C2: variants seen among roughly 807,000 people sequenced by gnomAD.
C2 encodes the protein complement C2.
In C2, 64 loss-of-function variants were observed where a neutral mutation model predicts 85.2. That is an observed-to-expected ratio of 0.75 (90% confidence interval 0.61 to 0.92). C2 has a LOEUF of 0.92. C2 is among the 40% of genes least tolerant of loss of function. C2 has a pLI of 0.00. For missense variants in C2, 820 were observed against 971.6 expected (o/e 0.84, Z 2.07); for synonymous variants, 311 against 370.8 (o/e 0.84, Z 1.85).
intron 6 of C2, 67 bp downstream of exon 6, chr6:31,934,366 C>G (rs989444608): frequency 1.2e-6 from 2 of 1,606,962 alleles, no homozygotes; most frequent in Non-Finnish European, 1.7e-6. Flanking sequence ...CTGTCTCCTT[C>G]CCCTCCTCAG....
upstream of C2, chr6:31,900,805 TGG>T: frequency 1.3e-6 from 1 of 777,256 alleles, no homozygotes; most frequent in Non-Finnish European, 1.9e-6. The surrounding 1 kb of genome is among the most constrained non-coding windows in gnomAD (Gnocchi z 9.7). Context: ...GAGGTGGGGG[TGG>T]GGGCTTCGGG....
At position 31,944,139 on chromosome 6, in the gene C2, T is replaced by G; in HGVS notation, c.1815T>G (p.Asn605Lys). Residue 605 changes from asparagine (N) to lysine (K), a missense_variant, in exon 15 of 18, where the codon AAT becomes AAG. Coordinates refer to ENST00000299367, the MANE Select transcript of C2 (RefSeq NM_000063.6). The surrounding 1 kb of genome is among the most constrained non-coding windows in gnomAD (Gnocchi z 5.1). ...ATCCCCTTCTCTTGACTATAGAGAATGAACTGCTGAACAAACAGAGTGTTC... is the reference window on the plus strand; with the variant it reads ...ATCCCCTTCTCTTGACTATAGAGAAGGAACTGCTGAACAAACAGAGTGTTC... ...PQGSTCRDHE[N>K]ELLNKQSVPA... 6.2e-7 allele frequency: 1 copy of G among 1,611,376 alleles called. No homozygotes were observed. Among genetic ancestry groups the G allele is most frequent in the Non-Finnish European group, 8.5e-7 (1 of 1,178,480 alleles).
rs970230298 is a variant in C2, at chr6:31,904,308, T to TTTAA, written c.73+3184_73+3187dup. ...AATTTTCAAAAGAATTTTATTTTAT[T>TTTAA]TTAATTAATTAATTAATTTATTTAG... On this transcript the variant is annotated intron_variant, in intron 1 of 3. Transcript: ENST00000452202. This position sits in a 1 kb window ranked among gnomAD's most constrained non-coding sequence, Gnocchi z 4.4. Among the ~76,000 whole-genome samples, 80 of 152,082 alleles carry TTTAA rather than the reference T, an allele frequency of 5.3e-4. No homozygotes were observed. The highest frequency in any genetic ancestry group is 1.8e-3 in the African/African-American group (74 of 41,464).
upstream of C2, among the ~76,000 whole-genome samples, chr6:31,927,227 C>G (rs1769325601): frequency 1.3e-5 from 2 of 152,212 alleles, no homozygotes; most frequent in Admixed American, 1.3e-4. This position sits in a 1 kb window ranked among gnomAD's most constrained non-coding sequence, Gnocchi z 4.7. Flanking sequence ...AGTTTATCTT[C>G]AAGAAGACAG....
At chr6:31,912,634 G>A (rs1226913632) in intron 1 of C2, among the ~76,000 whole-genome samples, 2 of 152,044 alleles carry the variant, frequency 1.3e-5, no homozygotes, top group African/African-American at 4.8e-5. Flanking sequence ...GAGGTCAGGA[G>A]TTCGAGACCA....
Position 31,943,423 on chromosome 6 carries a change from G to A in C2, c.1463G>A (p.Ser488Asn). 1 of 1,613,052 alleles carries A rather than the reference G, an allele frequency of 6.2e-7. No individual in the cohort carries two copies. Among genetic ancestry groups the A allele is most frequent in the Non-Finnish European group, 8.5e-7 (1 of 1,179,994 alleles). The change falls in exon 12 of 18, where the codon AGC becomes AAC. Residue 488 changes from serine (S) to asparagine (N), a missense_variant. By Grantham distance (46) the Ser-to-Asn change is conservative. Transcript: ENST00000299367. The surrounding 1 kb of genome is among the most constrained non-coding windows in gnomAD (Gnocchi z 6.4). The stretch of plus-strand genomic sequence containing the variant: ...TCACCTGTTCCCCTGCAGCCCAAGA[G>A]CCAAGAGACCTGCCGGGGGGCCCTC... The part of the protein sequence containing the change: ...TPWHVTIKPK[S>N]QETCRGALIS...
At chr6:31,919,910 C>T (rs1768848132), upstream of C2, 1 of 152,172 alleles carries the variant, frequency 6.6e-6, no homozygotes, top group African/African-American at 2.4e-5. Context: ...TATCCTGGTA[C>T]CTTTTATACC....
At chr6:31,940,060 G>C (rs2293751) in intron 9 of C2, among the ~76,000 whole-genome samples, 3 of 152,094 alleles carry the variant, frequency 2.0e-5, no homozygotes, top group East Asian at 1.9e-4. Flanking sequence ...ACAGATAGGC[G>C]TGAGCCACTG....
In C2 at chr6:31,935,825, C is replaced by T; in HGVS notation, c.850-98C>T. ...GTCCTTGCCTCTGTCGGTCTCACTCCAGTTTCTCTGCCTCCTCCAGGGCCC... is the reference window on the plus strand; with the variant it reads ...GTCCTTGCCTCTGTCGGTCTCACTCTAGTTTCTCTGCCTCCTCCAGGGCCC... On this transcript the variant is annotated intron_variant, in intron 6 of 17. Coordinates refer to ENST00000299367, the MANE Select transcript of C2 (RefSeq NM_000063.6). The surrounding 1 kb of genome is among the most constrained non-coding windows in gnomAD (Gnocchi z 4.3). The T allele has an allele frequency of 7.4e-7, 1 of 1,351,662 alleles. No individual in the cohort carries two copies. Among genetic ancestry groups the T allele is most frequent in the South Asian group, 1.2e-5 (1 of 85,324 alleles). 83.7% of individuals were successfully genotyped at this position (1,351,662 alleles called of 1,614,324 possible).
At chr6:31,937,487 T>C in intron 8 of C2, 28 bp downstream of exon 8, 1 of 1,612,276 alleles carries the variant, frequency 6.2e-7, no homozygotes, top group Non-Finnish European at 8.5e-7. Flanking sequence ...TGAGTGTGTC[T>C]GGAATAGTGG....
upstream of C2, chr6:31,900,629 G>A (rs1438783478): frequency 1.2e-6 from 2 of 1,612,760 alleles, no homozygotes; most frequent in Admixed American, 1.7e-5. The surrounding 1 kb of genome is among the most constrained non-coding windows in gnomAD (Gnocchi z 9.7). Context: ...CAGGCCTCCA[G>A]GGGGTTTGAG....
upstream of C2, chr6:31,900,454 G>A: frequency 6.3e-7 from 1 of 1,579,448 alleles, no homozygotes; most frequent in Non-Finnish European, 8.6e-7. This position sits in a 1 kb window ranked among gnomAD's most constrained non-coding sequence, Gnocchi z 9.7. Context: ...CGCTGGCCCG[G>A]CCTCCGGGAA....
intron 3 of C2, among the ~76,000 whole-genome samples, chr6:31,932,817 C>T (rs1770013218): frequency 6.6e-6 from 1 of 152,268 alleles, no homozygotes; most frequent in Admixed American, 6.5e-5. Context: ...GCACTCCAGC[C>T]TGGGCATCAT....
chr6:31,900,157 A>G, upstream of C2: 1 of 1,614,142 alleles, frequency 6.2e-7, no homozygotes, highest in South Asian at 1.1e-5. The surrounding 1 kb of genome is among the most constrained non-coding windows in gnomAD (Gnocchi z 9.7). Context: ...GTGACTTGAC[A>G]CCACGATGCA....
chr6:31,926,655 G>T (rs1359868951), upstream of C2, among the ~76,000 whole-genome samples: 2 of 147,786 alleles, frequency 1.4e-5, no homozygotes, highest in African/African-American at 2.5e-5. Flanking sequence ...TTCTTTTTGA[G>T]ATGTAGTCTT....
intron 2 of C2, 176 bp downstream of exon 2, chr6:31,928,340 G>T (rs1769433948): frequency 1.5e-6 from 1 of 689,392 alleles, no homozygotes; most frequent in African/African-American, 1.8e-5. Context: ...ATTGGGAACA[G>T]GTCTTGATGG....
chr6:31,937,262 C>T (rs1770498212), intron 7 of C2, 57 bp from the exon 8 acceptor site: 4 of 1,582,262 alleles, frequency 2.5e-6, no homozygotes, highest in Non-Finnish European at 3.5e-6. Flanking sequence ...TGATTCCCTA[C>T]CCCTAGGTGG....
chr6:31,898,041 T>TAGA (rs1766821643), upstream of C2: 3 of 381,770 alleles, frequency 7.9e-6, no homozygotes, highest in Non-Finnish European at 1.1e-5. Context: ...TTTCTGCCTT[T>TAGA]CTAGTTTTTG....
chr6:31,916,490 C>T (rs949896367), upstream of C2, among the ~76,000 whole-genome samples: 3 of 144,050 alleles, frequency 2.1e-5, no homozygotes, highest in East Asian at 4.2e-4. Context: ...ACCTGGGAGG[C>T]GGAGGTTGCG....
Sources: gnomAD v4.1 joint callset for allele counts (sites outside exome capture counted in the v4.1 genomes callset) on GRCh38, gnomAD v4.1.1 for gene constraint, Gnocchi (gnomAD v3.1) non-coding constraint, MANE v1.5 for transcripts, NCBI Gene and HGNC (gene_info 2026-07-23, HGNC 2026-07-21) for gene names.